Variants in CPS1 observed in about 807,000 individuals in gnomAD.
The protein encoded by CPS1 is carbamoyl-phosphate synthase [ammonia], mitochondrial.
A neutral mutation model predicts 174.6 loss-of-function variants in CPS1; 109 were observed. The ratio of observed to expected loss-of-function variants is 0.62; its 90% CI spans 0.53 to 0.73. The LOEUF is 0.73. Among genes scored for constraint, CPS1 ranks in the 30% least tolerant of loss-of-function variants. The probability of loss-of-function intolerance (pLI) is 0.00; values close to 1 mark genes in which losing one functional copy is unlikely to be tolerated. For synonymous variants in CPS1, 637 were observed against 632.0 expected (o/e 1.01, Z -0.12); for missense variants, 1,689 against 1,821.9 (o/e 0.93, Z 1.33).
chr2:210,654,867 C>T (rs569339386), intron 29 of CPS1, among the ~76,000 whole-genome samples: 12 of 152,122 alleles, frequency 7.9e-5, no homozygotes, highest in Non-Finnish European at 1.6e-4. Flanking sequence ...CAGAGTAGAT[C>T]TTGTTAATAA....
intron 1 of CPS1, among the ~76,000 whole-genome samples, chr2:210,512,365 A>G (rs2105976541): frequency 6.6e-6 from 1 of 151,356 alleles, no homozygotes; most frequent in East Asian, 2.0e-4. Context: ...CTCCTTCCCC[A>G]CTCCAGTATT....
In CPS1 at chr2:210,556,778, G is replaced by A. The variant is rs1391510696; in HGVS notation, c.45G>A (p.Lys15=). ...CTTTCAAAGTGGTGAGGACACTGAA[G>A]ACTGGTTTTGGCTTTACCAATGTGA... ...LTAFKVVRTL[K]TGFGFTNVTA... is the part of the protein sequence containing the mutation. Residue 15 remains lysine, a synonymous_variant, in exon 1 of 38, where the codon AAG becomes AAA. Transcript: ENST00000233072. The A allele has an allele frequency of 1.2e-6, 2 of 1,613,172 alleles. No homozygotes were observed. The highest frequency in any genetic ancestry group is 2.2e-5 in the East Asian group (1 of 44,830).
At chr2:210,635,379 T>C (rs1270052045) in intron 21 of CPS1, among the ~76,000 whole-genome samples, 2 of 152,190 alleles carry the variant, frequency 1.3e-5, no homozygotes, top group African/African-American at 4.8e-5. Context: ...GTGTTTTGAA[T>C]CACTATCATT....
At chr2:210,487,701 A>G (rs558311859) in intron 1 of CPS1, among the ~76,000 whole-genome samples, 1 of 135,148 alleles carries the variant, frequency 7.4e-6, no homozygotes, top group East Asian at 2.1e-4. Context: ...TTTTTTTTTA[A>G]AGCGAAATCT....
intron 26 of CPS1, 129 bp downstream of exon 26, chr2:210,648,186 T>A: frequency 1.1e-6 from 1 of 926,544 alleles, no homozygotes; most frequent in Non-Finnish European, 1.7e-6. Flanking sequence ...TTAGTGAATT[T>A]AAAGTTGTTG....
intron 24 of CPS1, among the ~76,000 whole-genome samples, chr2:210,640,395 G>A (rs76497290): frequency 0.011 from 1,609 of 152,172 alleles, 23 homozygotes; most frequent in African/African-American, 0.037. Context: ...TTTTTCATAA[G>A]GATCTACATT....
chr2:210,491,396 C>T (rs1349987448), intron 1 of CPS1, among the ~76,000 whole-genome samples: 1 of 142,166 alleles, frequency 7.0e-6, no homozygotes, highest in Non-Finnish European at 1.5e-5. Context: ...CTCACTGCAA[C>T]CTCCACCTCC....
intron 17 of CPS1, among the ~76,000 whole-genome samples, chr2:210,605,970 A>T (rs1320538847): frequency 6.6e-6 from 1 of 151,882 alleles, no homozygotes; most frequent in African/African-American, 2.4e-5. Context: ...ATAAAGAGTT[A>T]AGAGGAAAAT....
chr2:210,493,884 A>G (rs1694926297), intron 1 of CPS1, among the ~76,000 whole-genome samples: 1 of 152,176 alleles, frequency 6.6e-6, no homozygotes, highest in African/African-American at 2.4e-5. Flanking sequence ...TATTTCATTC[A>G]TATGAGTGAA....
chr2:210,620,521 C>A (rs1699475999), intron 21 of CPS1, among the ~76,000 whole-genome samples: 1 of 152,086 alleles, frequency 6.6e-6, no homozygotes, highest in African/African-American at 2.4e-5. Flanking sequence ...GTTTAATTGG[C>A]TCACAGTTCT....
At chr2:210,585,798 T>C (rs1373304252) in intron 6 of CPS1, among the ~76,000 whole-genome samples, 1 of 151,828 alleles carries the variant, frequency 6.6e-6, no homozygotes, top group Non-Finnish European at 1.5e-5. Flanking sequence ...GAATTTTAAA[T>C]CAGAAATGGT....
At chr2:210,609,425 C>CAAG (rs1436460870) in intron 19 of CPS1, among the ~76,000 whole-genome samples, 1 of 151,764 alleles carries the variant, frequency 6.6e-6, no homozygotes, top group African/African-American at 2.4e-5. Context: ...GACTCTCAGG[C>CAAG]AAGACTGAGT....
intron 1 of CPS1, among the ~76,000 whole-genome samples, chr2:210,496,756 A>G (rs1017543670): frequency 2.0e-5 from 3 of 152,042 alleles, no homozygotes; most frequent in African/African-American, 4.8e-5. Context: ...TTGCTCTTCT[A>G]TTTGCTTGAG....
intron 21 of CPS1, among the ~76,000 whole-genome samples, chr2:210,625,632 AAAGGAAG>A (rs1451086312): frequency 6.6e-6 from 1 of 152,100 alleles, no homozygotes; most frequent in Middle Eastern, 3.2e-3. Context: ...CATGGGAGCC[AAAGGAAG>A]AAGGAAGAGA....
intron 21 of CPS1, among the ~76,000 whole-genome samples, chr2:210,620,170 A>T (rs1699461082): frequency 6.6e-6 from 1 of 152,200 alleles, no homozygotes; most frequent in African/African-American, 2.4e-5. Context: ...AGCTTCAAAC[A>T]ATATATTTTA....
chr2:210,480,571 C>A (rs1203757329), intron 1 of CPS1, among the ~76,000 whole-genome samples: 1 of 152,166 alleles, frequency 6.6e-6, no homozygotes, highest in African/African-American at 2.4e-5. Context: ...TCCTTGTTAG[C>A]TGGTGGGTCT....
chr2:210,576,411 T>C lies in CPS1; in HGVS notation c.302T>C (p.Ile101Thr), dbSNP rs186877621. Residue 101 changes from isoleucine (I) to threonine (T), a missense_variant, in exon 3 of 38, where the codon ATT becomes ACT. Physicochemically the swap from Ile to Thr is moderately conservative, Grantham distance 89 (BLOSUM62 -1). Coordinates refer to ENST00000233072, the MANE Select transcript of CPS1 (RefSeq NM_001875.5). ...GQILTMANPI[I>T]GNGGAPDTTA... Reference sequence around the variant, plus strand: ...ATTCTCACAATGGCCAACCCTATTATTGGGAATGGTGGAGCTCCTGATACT... The same window carrying C: ...ATTCTCACAATGGCCAACCCTATTACTGGGAATGGTGGAGCTCCTGATACT... The C allele has an allele frequency of 7.4e-5, 119 of 1,613,724 alleles. 1 individual carries two copies. In the East Asian group the frequency reaches 2.0e-3, roughly 27 times the overall value.
At chr2:210,489,867 G>A (rs903241478) in intron 1 of CPS1, among the ~76,000 whole-genome samples, 8 of 152,024 alleles carry the variant, frequency 5.3e-5, no homozygotes, top group Non-Finnish European at 1.0e-4. Flanking sequence ...GCGTGGTGGC[G>A]GACGCCTGTA....
At chr2:210,485,915 A>T (rs1694703595) in intron 1 of CPS1, among the ~76,000 whole-genome samples, 1 of 152,022 alleles carries the variant, frequency 6.6e-6, no homozygotes, top group South Asian at 2.1e-4. Flanking sequence ...TCCTCCACGT[A>T]CTTACTTGTC....
Sources: gnomAD v4.1 joint callset for allele counts (sites outside exome capture counted in the v4.1 genomes callset) on GRCh38, gnomAD v4.1.1 for gene constraint, MANE v1.5 for transcripts, NCBI Gene and HGNC (gene_info 2026-07-23, HGNC 2026-07-21) for gene names.